The following LSAMP variants were observed in gnomAD, a reference collection of about 807,000 sequenced individuals.
LSAMP encodes the protein limbic system-associated membrane protein.
LSAMP carries 7 observed loss-of-function variants against 38.6 expected under a neutral mutation model. That is an observed-to-expected ratio of 0.18 (90% CI 0.10 to 0.34). The LOEUF (loss-of-function observed/expected upper bound fraction) is 0.34, where lower values mean the gene tolerates loss of function less well. LSAMP is among the 10% of genes least tolerant of loss of function. The pLI is 1.00. For missense variants in LSAMP, 313 were observed against 420.0 expected (o/e 0.75, Z 2.23); for synonymous variants, 154 against 166.8 (o/e 0.92, Z 0.59).
intron 1 of LSAMP, among the ~76,000 whole-genome samples, chr3:116,350,877 G>C (rs1259459774): frequency 6.6e-6 from 1 of 151,982 alleles, no homozygotes; most frequent in Non-Finnish European, 1.5e-5. Flanking sequence ...AACTGTAAAA[G>C]TTATGAAGTG....
At chr3:115,876,499 G>A (rs181675924) in intron 3 of LSAMP, among the ~76,000 whole-genome samples, 8 of 151,998 alleles carry the variant, frequency 5.3e-5, no homozygotes, top group African/African-American at 1.4e-4. Context: ...CACTGAGTAC[G>A]AGGTTACTAT....
intron 1 of LSAMP, among the ~76,000 whole-genome samples, chr3:116,399,061 C>A (rs1234278801): frequency 6.6e-6 from 1 of 152,068 alleles, no homozygotes; most frequent in East Asian, 1.9e-4. Flanking sequence ...AGTGTGATTA[C>A]ATTTCAAATG....
chr3:115,901,318 A>C lies in LSAMP; in HGVS notation c.515-48701T>G, dbSNP rs374807628. Among the ~76,000 whole-genome samples, 12 of 152,150 alleles carry C rather than the reference A, an allele frequency of 7.9e-5. No individual in the cohort carries two copies. In the East Asian group the frequency reaches 1.7e-3, roughly 22 times the overall value. On this transcript the variant is annotated intron_variant, in intron 3 of 6. Transcript: ENST00000490035. ...AATATGTATAATAATACATTTTTGT[A>C]GGTTTCAAAGTGTGTCCTTGGCTGC...
intron 1 of LSAMP, among the ~76,000 whole-genome samples, chr3:116,351,582 C>G (rs1159765511): frequency 2.0e-5 from 3 of 152,004 alleles, no homozygotes; most frequent in Non-Finnish European, 4.4e-5. Context: ...AGCTCATCAG[C>G]CTGGACTAAA....
At chr3:116,160,246 A>T (rs1376045384) in intron 1 of LSAMP, among the ~76,000 whole-genome samples, 1 of 152,192 alleles carries the variant, frequency 6.6e-6, no homozygotes, top group Admixed American at 6.5e-5. Context: ...CCAAAAATAC[A>T]AAAGTAGCCA....
At chr3:116,240,600 A>G (rs779836775) in intron 1 of LSAMP, among the ~76,000 whole-genome samples, 1 of 152,244 alleles carries the variant, frequency 6.6e-6, no homozygotes. Flanking sequence ...AAAGCCAAAG[A>G]GGAAAAATGA....
intron 1 of LSAMP, among the ~76,000 whole-genome samples, chr3:116,113,504 C>T (rs1169837101): frequency 7.4e-6 from 1 of 134,414 alleles, no homozygotes; most frequent in Non-Finnish European, 1.5e-5. Context: ...CGGCTCACTG[C>T]AAGCTCCGCC....
chr3:115,911,684 T>C (rs1937139822), intron 3 of LSAMP, among the ~76,000 whole-genome samples: 1 of 152,244 alleles, frequency 6.6e-6, no homozygotes, highest in Admixed American at 6.5e-5. Flanking sequence ...TCTCATTTAT[T>C]TGAGACAAAT....
At chr3:116,215,642 A>T (rs2046210782) in intron 1 of LSAMP, among the ~76,000 whole-genome samples, 1 of 152,128 alleles carries the variant, frequency 6.6e-6, no homozygotes, top group South Asian at 2.1e-4. Context: ...GCAGAATCTT[A>T]CCCTAAACTT....
chr3:115,931,459 C>G (rs1201572610), intron 3 of LSAMP, among the ~76,000 whole-genome samples: 2 of 152,156 alleles, frequency 1.3e-5, no homozygotes, highest in African/African-American at 4.8e-5. Context: ...AATCAAGTGT[C>G]AGGGGGTTGG....
intron 1 of LSAMP, among the ~76,000 whole-genome samples, chr3:116,247,199 C>T (rs559551355): frequency 3.0e-4 from 46 of 152,244 alleles, no homozygotes; most frequent in Non-Finnish European, 5.4e-4. Flanking sequence ...TGGGAGTAAC[C>T]GCTGCCTGAT....
At chr3:116,437,003 A>ATGTGTG (rs1298057735) in intron 1 of LSAMP, among the ~76,000 whole-genome samples, 1 of 149,080 alleles carries the variant, frequency 6.7e-6, no homozygotes, top group African/African-American at 2.5e-5. Context: ...GCATATATAT[A>ATGTGTG]TATGTGTATA....
At chr3:116,254,178 G>A (rs752757327) in intron 1 of LSAMP, among the ~76,000 whole-genome samples, 10 of 152,120 alleles carry the variant, frequency 6.6e-5, no homozygotes, top group Non-Finnish European at 1.5e-4. Context: ...AGAGAAGGAG[G>A]TAAAAAATGA....
chr3:116,095,930 G>A (rs1161305406), intron 1 of LSAMP, among the ~76,000 whole-genome samples: 10 of 152,240 alleles, frequency 6.6e-5, no homozygotes, highest in East Asian at 3.9e-4. Context: ...GTGGGGTGGC[G>A]ATAGGTTTAG....
intron 1 of LSAMP, among the ~76,000 whole-genome samples, chr3:116,262,595 C>T (rs1364702823): frequency 2.0e-5 from 3 of 152,132 alleles, no homozygotes; most frequent in African/African-American, 4.8e-5. Flanking sequence ...GTATCAGATA[C>T]GCAGCAAGCA....
chr3:116,032,739 G>A (rs964943444), intron 2 of LSAMP, among the ~76,000 whole-genome samples: 1 of 152,092 alleles, frequency 6.6e-6, no homozygotes, highest in African/African-American at 2.4e-5. Flanking sequence ...GGAGATGGAG[G>A]CTGCAGTGAG....
intron 1 of LSAMP, among the ~76,000 whole-genome samples, chr3:116,190,025 A>G (rs1407822737): frequency 1.3e-5 from 2 of 151,920 alleles, no homozygotes; most frequent in Non-Finnish European, 2.9e-5. Flanking sequence ...AATGTAAAAA[A>G]TAAGTTTTTT....
chr3:116,220,185 A>AACACACACACACACACACACAC (rs3974285), intron 1 of LSAMP, among the ~76,000 whole-genome samples: 46 of 141,460 alleles, frequency 3.3e-4, no homozygotes, highest in African/African-American at 8.8e-4. Context: ...TCCATCTCAA[A>AACACACACACACACACACACAC]ACACACACAC....
intron 1 of LSAMP, among the ~76,000 whole-genome samples, chr3:116,306,719 A>G (rs1387568443): frequency 6.6e-6 from 1 of 152,046 alleles, no homozygotes; most frequent in Non-Finnish European, 1.5e-5. Flanking sequence ...ATACACAATA[A>G]TAGAATCACT....
Sources: gnomAD v4.1 joint callset for allele counts (sites outside exome capture counted in the v4.1 genomes callset) on GRCh38, gnomAD v4.1.1 for gene constraint, MANE v1.5 for transcripts, NCBI Gene and HGNC (gene_info 2026-07-23, HGNC 2026-07-21) for gene names.